ANKRD13B: variants seen among roughly 807,000 people sequenced by gnomAD.
The protein encoded by ANKRD13B is ankyrin repeat domain 13B, also known as ankyrin repeat domain-containing protein 13B.
A neutral mutation model predicts 74.4 loss-of-function variants in ANKRD13B; 33 were observed. The ratio of observed to expected loss-of-function variants is 0.44; its 90% CI spans 0.34 to 0.59. The LOEUF is 0.59. Ranked by LOEUF, ANKRD13B falls within the 20% of genes least tolerant of loss-of-function variation. ANKRD13B has a pLI of 0.02. For missense variants in ANKRD13B, 676 were observed against 877.9 expected (o/e 0.77, Z 2.91); for synonymous variants, 341 against 362.9 (o/e 0.94, Z 0.68).
Position 29,606,387 on chromosome 17 carries a change from C to T in ANKRD13B, c.115-1355C>T, listed in dbSNP as rs150749605. On this transcript the variant is annotated intron_variant, in intron 1 of 14. Transcript: ENST00000394859. ...CAGCCTGGGCAACATATCAAAACCC[C>T]GTCTCTACTAAAATACAAAAATTAG... 3.3e-3 allele frequency among the ~76,000 whole-genome samples: 502 copies of T among 149,990 alleles called. 1 individual carries two copies. The highest frequency in any genetic ancestry group is 0.012 in the African/African-American group (482 of 40,794).
In ANKRD13B at chr17:29,612,495, G is replaced by A. The variant is rs761766289; in HGVS notation, c.1352G>A (p.Ser451Asn). ...EPVPSVRGSP[S>N]SETPSPGSDS... is the part of the protein sequence containing the mutation. The stretch of plus-strand genomic sequence containing the variant: ...GTGCCATCGGTGCGAGGCAGCCCCA[G>A]CAGCGAGACGCCTTCCCCAGGCAGC... The change falls in exon 12 of 15, where the codon AGC becomes AAC. Residue 451 changes from serine to asparagine, a missense_variant. Transcript: ENST00000394859. This position sits in a 1 kb window ranked among gnomAD's most constrained non-coding sequence, Gnocchi z 6.1. 6.3e-7 allele frequency: 1 copy of A among 1,585,588 alleles called. No individual in the cohort carries two copies. The highest frequency in any genetic ancestry group is 1.1e-5 in the South Asian group (1 of 87,528).
Position 29,611,838 on chromosome 17 carries a change from C to A in ANKRD13B, c.970-38C>A. The A allele has an allele frequency of 6.4e-7, 1 of 1,567,330 alleles. No homozygotes were observed. The highest frequency in any genetic ancestry group is 8.7e-7 in the Non-Finnish European group (1 of 1,154,540). The stretch of plus-strand genomic sequence containing the variant: ...AAATGAGTTGGCCTGGCATTAGGAA[C>A]TGAGGGGAGCTCCTGGGCCCCTCCC... On this transcript the variant is annotated intron_variant, in intron 9 of 14. Coordinates refer to ENST00000394859, the MANE Select transcript of ANKRD13B (RefSeq NM_152345.5). The surrounding 1 kb of genome is among the most constrained non-coding windows in gnomAD (Gnocchi z 4.3).
Position 29,607,966 on chromosome 17 carries a change from C to A in ANKRD13B, c.251-20C>A. 2 of 1,595,212 alleles carry A rather than the reference C, an allele frequency of 1.3e-6. No homozygotes were observed. Among genetic ancestry groups the A allele is most frequent in the Admixed American group, 1.7e-5 (1 of 57,352 alleles). On this transcript the variant is annotated intron_variant, in intron 2 of 14. Transcript: ENST00000394859. Reference sequence around the variant, plus strand: ...TGGCTGAAGGGTCCTGCCCTGTGACCTTGCCTCGCCCTCCCCCAGTGCTCC... The same window carrying A: ...TGGCTGAAGGGTCCTGCCCTGTGACATTGCCTCGCCCTCCCCCAGTGCTCC...
intron 1 of ANKRD13B, chr17:29,593,974 T>G: frequency 4.3e-6 from 1 of 232,958 alleles, no homozygotes; most frequent in Non-Finnish European, 8.3e-6. Flanking sequence ...GTGCCCCTCC[T>G]CCGCCGGGGC....
chr17:29,605,074 A>G (rs995837005), intron 1 of ANKRD13B, among the ~76,000 whole-genome samples: 1 of 152,206 alleles, frequency 6.6e-6, no homozygotes, highest in Non-Finnish European at 1.5e-5. Context: ...TGTGAAGTTT[A>G]GTATTCAGGA....
chr17:29,612,372 G>A lies in ANKRD13B; in HGVS notation c.1259-30G>A. 6.2e-7 allele frequency: 1 copy of A among 1,611,968 alleles called. No individual in the cohort carries two copies. On this transcript the variant is annotated intron_variant, in intron 11 of 14. Transcript: ENST00000394859. This position sits in a 1 kb window ranked among gnomAD's most constrained non-coding sequence, Gnocchi z 6.1. Reference sequence around the variant, plus strand: ...GAGGCTGAGGTGTGAGGGGCTGAGTGGTGGCGCCTAAAGGTTTCCTCATCC... The same window carrying A: ...GAGGCTGAGGTGTGAGGGGCTGAGTAGTGGCGCCTAAAGGTTTCCTCATCC...
At position 29,611,657 on chromosome 17, in the gene ANKRD13B, G is replaced by A; in HGVS notation, c.969+14G>A. ...CCCCAAAATGGGGTGAGTGTGTGCA[G>A]GGGTACCCGTAAGTGGAGGGATGTG... On this transcript the variant is annotated intron_variant, in intron 9 of 14. Transcript: ENST00000394859. This position sits in a 1 kb window ranked among gnomAD's most constrained non-coding sequence, Gnocchi z 4.3. 5 of 1,613,608 alleles carry A rather than the reference G, an allele frequency of 3.1e-6. No individual in the cohort carries two copies. Among genetic ancestry groups the A allele is most frequent in the Non-Finnish European group, 4.2e-6 (5 of 1,179,516 alleles).
chr17:29,611,896 G>C lies in ANKRD13B; in HGVS notation c.990G>C (p.Leu330=). The change falls in exon 10 of 15, where the codon CTG becomes CTC. Residue 330 remains leucine (L), a synonymous_variant. Coordinates refer to ENST00000394859, the MANE Select transcript of ANKRD13B (RefSeq NM_152345.5). This position sits in a 1 kb window ranked among gnomAD's most constrained non-coding sequence, Gnocchi z 4.3. ...TACAGACCCTGATCACTCAGACTCTGAGCCAAGCCAACCCCACTGCCATCA... is the reference window on the plus strand; with the variant it reads ...TACAGACCCTGATCACTCAGACTCTCAGCCAAGCCAACCCCACTGCCATCA... ...PQNGTLITQT[L]SQANPTAITA... The C allele has an allele frequency of 6.2e-7, 1 of 1,612,918 alleles. No individual in the cohort carries two copies. The highest frequency in any genetic ancestry group is 8.5e-7 in the Non-Finnish European group (1 of 1,179,346).
Position 29,608,828 on chromosome 17 carries a change from C to T in ANKRD13B, c.422-23C>T, listed in dbSNP as rs2034479127. On this transcript the variant is annotated intron_variant, in intron 4 of 14. Transcript: ENST00000394859. The surrounding 1 kb of genome is among the most constrained non-coding windows in gnomAD (Gnocchi z 6.4). ...GTGTAGGCCAGACCAGTCAAAGCCA[C>T]CTCCAACCTCCGCTTCCACCAGTGC... 2 of 1,613,896 alleles carry T rather than the reference C, an allele frequency of 1.2e-6. No individual in the cohort carries two copies. The highest frequency in any genetic ancestry group is 1.1e-5 in the South Asian group (1 of 91,078).
intron 1 of ANKRD13B, among the ~76,000 whole-genome samples, chr17:29,604,486 G>A (rs932883844): frequency 2.1e-4 from 32 of 151,508 alleles, no homozygotes; most frequent in African/African-American, 7.8e-4. Context: ...TGGGATTAGA[G>A]GTGTGAGCCA....
At chr17:29,606,919 G>A (rs773768962) in intron 1 of ANKRD13B, among the ~76,000 whole-genome samples, 7 of 151,198 alleles carry the variant, frequency 4.6e-5, no homozygotes, top group Non-Finnish European at 7.4e-5. Flanking sequence ...ACGTGTTGGC[G>A]AATGTCTGTA....
rs1268421488 is a variant in ANKRD13B, at chr17:29,613,774, C to T, written c.*192C>T. The T allele has an allele frequency of 3.3e-6, 3 of 897,958 alleles. No individual in the cohort carries two copies. The East Asian group carries it at 9.9e-5, about 30-fold the overall frequency. The allele number at this position is 897,958 out of a possible 1,614,324, so 55.6% of individuals were successfully genotyped here. A position where few individuals can be genotyped will look rare whatever the true frequency, so the allele number is the denominator to read the frequency against. On this transcript the variant is annotated 3_prime_UTR_variant, in exon 15 of 15. Coordinates refer to ENST00000394859, the MANE Select transcript of ANKRD13B (RefSeq NM_152345.5). ...CGCGGGGTACCTTCCCAGGCCAGGG[C>T]CCTGGAGGCAACTGGCACGGCCTGG...
At chr17:29,599,279 T>C (rs1299344601) in intron 1 of ANKRD13B, 1 of 152,174 alleles carries the variant, frequency 6.6e-6, no homozygotes, top group African/African-American at 2.4e-5. Context: ...CTACCTACGA[T>C]GGAAAGCCAC....
chr17:29,611,300 G>C lies in ANKRD13B; in HGVS notation c.905-279G>C, dbSNP rs1183986276. Among the ~76,000 whole-genome samples the C allele has an allele frequency of 2.6e-5, 4 of 152,226 alleles. No individual in the cohort carries two copies. Among genetic ancestry groups the C allele is most frequent in the African/African-American group, 9.6e-5 (4 of 41,454 alleles). Reference sequence around the variant, plus strand: ...TGCCTGCCGGGGCAGGCGTTTTACTGTCCAGGGTCACCGAGCTGGAGAGGA... The same window carrying C: ...TGCCTGCCGGGGCAGGCGTTTTACTCTCCAGGGTCACCGAGCTGGAGAGGA... On this transcript the variant is annotated intron_variant, in intron 8 of 14. Transcript: ENST00000394859. This position sits in a 1 kb window ranked among gnomAD's most constrained non-coding sequence, Gnocchi z 4.3.
intron 1 of ANKRD13B, among the ~76,000 whole-genome samples, chr17:29,601,789 T>C (rs1346173728): frequency 6.6e-6 from 1 of 152,128 alleles, no homozygotes; most frequent in African/African-American, 2.4e-5. Context: ...AATTCTAGGT[T>C]GAAAGTTTTT....
intron 1 of ANKRD13B, 80 bp downstream of exon 1, chr17:29,593,815 C>A: frequency 1.3e-6 from 1 of 792,438 alleles, no homozygotes; most frequent in Non-Finnish European, 1.7e-6. Context: ...GCGGCGCGGG[C>A]TGTCCCGCCT....
Position 29,613,775 on chromosome 17 carries a change from C to G in ANKRD13B, c.*193C>G, listed in dbSNP as rs2034700952. 2 of 895,694 alleles carry G rather than the reference C, an allele frequency of 2.2e-6. No homozygotes were observed. Among genetic ancestry groups the G allele is most frequent in the Non-Finnish European group, 3.1e-6 (2 of 639,136 alleles). 55.5% of individuals were successfully genotyped at this position (895,694 alleles called of 1,614,324 possible). On this transcript the variant is annotated 3_prime_UTR_variant, in exon 15 of 15. Transcript: ENST00000394859. ...GCGGGGTACCTTCCCAGGCCAGGGC[C>G]CTGGAGGCAACTGGCACGGCCTGGT...
intron 1 of ANKRD13B, among the ~76,000 whole-genome samples, chr17:29,605,947 T>TCTC (rs2034355682): frequency 1.3e-5 from 2 of 151,290 alleles, no homozygotes; most frequent in African/African-American, 4.9e-5. Context: ...AGTTTTGCTC[T>TCTC]TGTCGCCCAG....
Position 29,609,398 on chromosome 17 carries a change from A to G in ANKRD13B, c.799A>G (p.Met267Val), listed in dbSNP as rs1344595758. 4 of 1,613,292 alleles carry G rather than the reference A, an allele frequency of 2.5e-6. No homozygotes were observed. The highest frequency in any genetic ancestry group is 1.3e-5 in the African/African-American group (1 of 74,916). The change falls in exon 7 of 15, where the codon ATG becomes GTG. Residue 267 changes from methionine (M) to valine (V), a missense_variant. Coordinates refer to ENST00000394859, the MANE Select transcript of ANKRD13B (RefSeq NM_152345.5). This position sits in a 1 kb window ranked among gnomAD's most constrained non-coding sequence, Gnocchi z 4.0. The stretch of plus-strand genomic sequence containing the variant: ...GGGCTGGCGCAGTGAAAAGACGGAG[A>G]TGGTGAATGGGTATGAAGCTAAGGT... Reference protein sequence around the residue: ...ILGWRSEKTEMVNGYEAKVYG... With the variant: ...ILGWRSEKTEVVNGYEAKVYG...
Sources: allele counts gnomAD v4.1 joint callset (sites outside exome capture counted in the v4.1 genomes callset), GRCh38; gene constraint gnomAD v4.1.1; non-coding constraint Gnocchi (gnomAD v3.1); transcripts MANE v1.5; gene names NCBI Gene and HGNC (gene_info 2026-07-23, HGNC 2026-07-21).